Variants in MZF1 observed in about 807,000 individuals in gnomAD.
MZF1 encodes myeloid zinc finger 1.
In MZF1, 24 loss-of-function variants were observed where a neutral mutation model predicts 28.6. The observed-to-expected ratio is 0.84, with a 90% CI of 0.61 to 1.18. MZF1 has a LOEUF of 1.18. Among genes scored for constraint, MZF1 ranks in the 50% most tolerant of loss-of-function variants. The pLI is 0.00. For missense variants in MZF1, 1,166 were observed against 1,026.4 expected, an observed-to-expected ratio of 1.14 and a Z score of -1.86; for synonymous variants, 516 against 432.5, an observed-to-expected ratio of 1.19 and a Z score of -2.40.
At chr19:58,571,613 G>A in intron 1 of MZF1, 184 bp from the exon 2 acceptor site, 1 of 589,044 alleles carries the variant, frequency 1.7e-6, no homozygotes, top group Non-Finnish European at 3.0e-6. Flanking sequence ...TTAGCCACCT[G>A]TATCCCTGGT....
At position 58,570,473 on chromosome 19, in the gene MZF1, T is replaced by C; in HGVS notation, c.451A>G (p.Ser151Gly). ...TCAGTTTCAGGTAGGGGCTGGAAAC[T>C]GGAGGGCTCCATCTTCTCTGATAGG... is the stretch of plus-strand genomic sequence containing the variant. ...EVLSEKMEPS[S>G]FQPLPETEPP... The change falls in exon 3 of 6, where the codon AGT becomes GGT. Residue 151 changes from serine to glycine, a missense_variant. Transcript: ENST00000215057. The C allele has an allele frequency of 6.2e-7, 1 of 1,613,898 alleles. No homozygotes were observed. Among genetic ancestry groups the C allele is most frequent in the Non-Finnish European group, 8.5e-7 (1 of 1,179,842 alleles).
At chr19:58,567,896 A>G (rs369039244) in intron 5 of MZF1, among the ~76,000 whole-genome samples, 2 of 152,194 alleles carry the variant, frequency 1.3e-5, no homozygotes, top group Non-Finnish European at 2.9e-5. Context: ...GGAGACAGCT[A>G]AAAAGATGAA....
intron 1 of MZF1, 22 bp from the exon 2 acceptor site, chr19:58,571,451 G>A: frequency 6.3e-7 from 1 of 1,594,000 alleles, no homozygotes; most frequent in Non-Finnish European, 8.6e-7. Flanking sequence ...ATAGGATGAG[G>A]CTGTTGCAAA....
chr19:58,569,452 C>T lies in MZF1; in HGVS notation c.652-55G>A, dbSNP rs10420978. 1.3e-4 allele frequency: 203 copies of T among 1,613,752 alleles called. No individual in the cohort carries two copies. The African/African-American group carries it at 2.2e-3, about 17-fold the overall frequency. On this transcript the variant is annotated intron_variant, in intron 4 of 5. Transcript: ENST00000215057. ...TGCCTGGCTGGGCTCAGGGAGGGACCTACCTGACCCCACCCAGCAACTTCC... is the reference window on the plus strand; with the variant it reads ...TGCCTGGCTGGGCTCAGGGAGGGACTTACCTGACCCCACCCAGCAACTTCC...
chr19:58,570,486 C>T lies in MZF1; in HGVS notation c.438G>A (p.Lys146=). 10 of 1,613,892 alleles carry T rather than the reference C, an allele frequency of 6.2e-6. No homozygotes were observed. The highest frequency in any genetic ancestry group is 7.6e-6 in the Non-Finnish European group (9 of 1,179,840). Reference sequence around the variant, plus strand: ...GGGGCTGGAAACTGGAGGGCTCCATCTTCTCTGATAGGACCTCCTGGCCCT... The same window carrying T: ...GGGGCTGGAAACTGGAGGGCTCCATTTTCTCTGATAGGACCTCCTGGCCCT... ...QVQGQEVLSE[K]MEPSSFQPLP... Residue 146 remains lysine, a synonymous_variant, in exon 3 of 6, where the codon AAG becomes AAA. Coordinates refer to ENST00000215057, the MANE Select transcript of MZF1 (RefSeq NM_198055.2).
intron 5 of MZF1, 103 bp downstream of exon 5, chr19:58,569,174 T>A (rs1385757032): frequency 2.6e-5 from 37 of 1,399,564 alleles, no homozygotes; most frequent in Non-Finnish European, 3.3e-5. Flanking sequence ...AACTTGGGGA[T>A]GCTGGAGTAA....
chr19:58,567,238 G>T (rs1054862009), intron 5 of MZF1, among the ~76,000 whole-genome samples: 2 of 152,188 alleles, frequency 1.3e-5, no homozygotes, highest in Non-Finnish European at 2.9e-5. Context: ...GGAGTTGGAG[G>T]TACCTGGTAC....
At position 58,563,516 on chromosome 19, in the gene MZF1, A is replaced by G; in HGVS notation, c.773-12T>C. 7 of 1,514,656 alleles carry G rather than the reference A, an allele frequency of 4.6e-6. No homozygotes were observed. The highest frequency in any genetic ancestry group is 6.2e-6 in the Non-Finnish European group (7 of 1,125,326). The allele number at this position is 1,514,656 out of a possible 1,614,324, so 93.8% of individuals were successfully genotyped here. ...CTGCAGCGCGAACCCTGCATACACAAGGGGACCATTCATTCATGACAGAAT... is the reference window on the plus strand; with the variant it reads ...CTGCAGCGCGAACCCTGCATACACAGGGGGACCATTCATTCATGACAGAAT... On this transcript the variant is annotated splice_polypyrimidine_tract_variant and intron_variant, in intron 5 of 5. Transcript: ENST00000215057.
intron 3 of MZF1, 185 bp downstream of exon 3, chr19:58,570,159 G>C: frequency 1.7e-6 from 1 of 598,258 alleles, no homozygotes; most frequent in East Asian, 3.0e-5. Flanking sequence ...GTGTGTGAGG[G>C]GTAGTGACAG....
chr19:58,564,550 A>T (rs2054001948), intron 5 of MZF1: 1 of 152,244 alleles, frequency 6.6e-6, no homozygotes, highest in African/African-American at 2.4e-5. Flanking sequence ...AATGCACCTT[A>T]GGGCTGAACT....
At chr19:58,572,567 T>A in intron 1 of MZF1, 1 of 1,289,644 alleles carries the variant, frequency 7.8e-7, no homozygotes, top group Non-Finnish European at 1.0e-6. Flanking sequence ...CTCGCGCTGT[T>A]CCTTCTGCAG....
rs1568674438 is a variant in MZF1 at position 58,562,345 on chromosome 19, C to A, written c.1932G>T (p.Gln644His). The A allele has an allele frequency of 1.9e-6, 3 of 1,608,942 alleles. No individual in the cohort carries two copies. The highest frequency in any genetic ancestry group is 2.5e-6 in the Non-Finnish European group (3 of 1,178,558). Reference sequence around the variant, plus strand: ...AGGGCCGTTCGCCCGTGTGGATGCGCTGGTGCTCGGTGAGCCGCGAGACCT... The same window carrying A: ...AGGGCCGTTCGCCCGTGTGGATGCGATGGTGCTCGGTGAGCCGCGAGACCT... Reference protein sequence around the residue: ...FTQVSRLTEHQRIHTGERPFA... With the variant: ...FTQVSRLTEHHRIHTGERPFA... Residue 644 changes from glutamine (Q) to histidine (H), a missense_variant, in exon 6 of 6, where the codon CAG becomes CAT. Transcript: ENST00000215057.
chr19:58,566,567 G>C (rs553201720), intron 5 of MZF1, among the ~76,000 whole-genome samples: 1 of 152,320 alleles, frequency 6.6e-6, no homozygotes, highest in East Asian at 1.9e-4. Flanking sequence ...GAGTAAGACT[G>C]TGTGGCCCAG....
chr19:58,565,394 A>T (rs906354368), intron 5 of MZF1, among the ~76,000 whole-genome samples: 1 of 143,676 alleles, frequency 7.0e-6, no homozygotes, highest in Non-Finnish European at 1.5e-5. Context: ...GCACCTAGCC[A>T]ATTTTTTGTA....
chr19:58,564,499 T>C (rs1437210997), intron 5 of MZF1: 1 of 152,210 alleles, frequency 6.6e-6, no homozygotes, highest in Non-Finnish European at 1.5e-5. Context: ...AGCTAATGCT[T>C]ATATCCCATA....
Position 58,563,338 on chromosome 19 carries a change from ACTC to A in MZF1, c.936_938del (p.Arg312del). 1.9e-6 allele frequency: 3 copies of A among 1,608,718 alleles called. No individual in the cohort carries two copies. Among genetic ancestry groups the A allele is most frequent in the Non-Finnish European group, 2.5e-6 (3 of 1,177,932 alleles). Reference sequence around the variant, plus strand: ...GATCCTCGTCCGTGGGGTCCTGTTCACTCCTCAGATCGCTGGGGAGCAGAAGCG... The same window carrying A: ...GATCCTCGTCCGTGGGGTCCTGTTCACTCAGATCGCTGGGGAGCAGAAGCG... On this transcript the variant is annotated inframe_deletion, in exon 6 of 6. Transcript: ENST00000215057.
chr19:58,567,017 C>G (rs1403067584), intron 5 of MZF1, among the ~76,000 whole-genome samples: 1 of 152,134 alleles, frequency 6.6e-6, no homozygotes, highest in African/African-American at 2.4e-5. Context: ...ATTCTCCCAC[C>G]TCAGCCTCCC....
At chr19:58,569,685 C>G in intron 3 of MZF1, 99 bp from the exon 4 acceptor site, 1 of 1,103,888 alleles carries the variant, frequency 9.1e-7, no homozygotes, top group African/African-American at 1.6e-5. Flanking sequence ...AGGTGGGATT[C>G]TTGGTTGTGG....
At chr19:58,565,811 C>T (rs1443140136) in intron 5 of MZF1, among the ~76,000 whole-genome samples, 5 of 143,640 alleles carry the variant, frequency 3.5e-5, no homozygotes, top group African/African-American at 5.1e-5. Context: ...GGATTACAGG[C>T]GTGACGTGCC....
Sources: allele counts gnomAD v4.1 joint callset (sites outside exome capture counted in the v4.1 genomes callset), GRCh38; gene constraint gnomAD v4.1.1; transcripts MANE v1.5; gene names NCBI Gene and HGNC (gene_info 2026-07-23, HGNC 2026-07-21).